Variants in FXYD6 observed in about 807,000 individuals in gnomAD.
The protein encoded by FXYD6 is FXYD domain-containing ion transport regulator 6.
Under a neutral mutation model 16.7 loss-of-function variants are expected in FXYD6, and 7 were observed. The observed-to-expected ratio is 0.42, with a 90% CI of 0.24 to 0.79. The LOEUF is 0.79. Ranked by LOEUF, FXYD6 falls within the 30% of genes least tolerant of loss-of-function variation. The pLI is 0.28. For synonymous variants in FXYD6, 49 were observed against 43.0 expected, an observed-to-expected ratio of 1.14 and a Z score of -0.54; for missense variants, 111 against 116.2, an observed-to-expected ratio of 0.95 and a Z score of 0.21.
At position 117,864,678 on chromosome 11, in the gene FXYD6, C is replaced by T. The variant is rs149859691; in HGVS notation, c.-6+11914G>A. Reference sequence around the variant, plus strand: ...CTCGGCTGACTGCAACCTCCACCTCCGGGGTTCAAGCAATTCTCCTGCCTC... The same window carrying T: ...CTCGGCTGACTGCAACCTCCACCTCTGGGGTTCAAGCAATTCTCCTGCCTC... On this transcript the variant is annotated intron_variant, in intron 1 of 7. Coordinates refer to ENST00000526014, the MANE Select transcript of FXYD6 (RefSeq NM_022003.4). 3.4e-3 allele frequency among the ~76,000 whole-genome samples: 512 copies of T among 152,224 alleles called. 5 individuals carry two copies. The highest frequency in any genetic ancestry group is 0.011 in the African/African-American group (444 of 41,534).
At chr11:117,840,015 CCT>C (rs2056301994) in intron 6 of FXYD6, 185 bp from the exon 7 acceptor site, 3 of 736,978 alleles carry the variant, frequency 4.1e-6, no homozygotes, top group Non-Finnish European at 6.8e-6. Context: ...AACCTGGTAA[CCT>C]CTCTCAGTCC....
Sources: allele counts gnomAD v4.1 joint callset (sites outside exome capture counted in the v4.1 genomes callset), GRCh38; gene constraint gnomAD v4.1.1; transcripts MANE v1.5; gene names NCBI Gene and HGNC (gene_info 2026-07-23, HGNC 2026-07-21).